The following ZNF215 variants were observed in gnomAD, a reference collection of about 807,000 sequenced individuals.
ZNF215 encodes BWSCR2-associated zinc finger protein 2.
ZNF215 carries 24 observed loss-of-function variants against 27.2 expected under a neutral mutation model. That is an observed-to-expected ratio of 0.88 (90% CI 0.64 to 1.24). The LOEUF (loss-of-function observed/expected upper bound fraction) is 1.24. Among genes scored for constraint, ZNF215 ranks in the 50% most tolerant of loss-of-function variants. ZNF215 has a pLI of 0.00. For missense variants in ZNF215, 675 were observed against 605.7 expected (o/e 1.11, Z -1.20); for synonymous variants, 210 against 204.0 (o/e 1.03, Z -0.25).
At chr11:6,980,860 T>C (rs1156975317) in intron 5 of ZNF215, among the ~76,000 whole-genome samples, 1 of 149,964 alleles carries the variant, frequency 6.7e-6, no homozygotes, top group East Asian at 2.0e-4. Context: ...ATATGCAGTG[T>C]TTGGTTTTTT....
chr11:6,969,266 G>A (rs1448546871), intron 5 of ZNF215, among the ~76,000 whole-genome samples: 1 of 152,070 alleles, frequency 6.6e-6, no homozygotes, highest in East Asian at 1.9e-4. Flanking sequence ...AACATGTCAA[G>A]CATATTGTCA....
intron 5 of ZNF215, 73 bp downstream of exon 5, chr11:6,943,288 G>A (rs1564952434): frequency 1.3e-6 from 2 of 1,535,224 alleles, no homozygotes; most frequent in Non-Finnish European, 1.7e-6. Context: ...TAGGACTGCT[G>A]AAGTGGCTAA....
intron 4 of ZNF215, among the ~76,000 whole-genome samples, chr11:6,941,940 C>G (rs1283113594): frequency 6.6e-6 from 1 of 152,108 alleles, no homozygotes; most frequent in African/African-American, 2.4e-5. Context: ...GAGTAGAATC[C>G]AGAGCAATGT....
chr11:6,989,323 G>A (rs1201795385), downstream of ZNF215, among the ~76,000 whole-genome samples: 2 of 152,042 alleles, frequency 1.3e-5, no homozygotes, highest in East Asian at 3.9e-4. Context: ...TTCTAGCCAC[G>A]TTTATGCCTT....
Position 6,955,754 on chromosome 11 carries a change from T to A in ZNF215, c.777T>A (p.Ser259Arg), listed in dbSNP as rs200791067. 5.0e-6 allele frequency: 8 copies of A among 1,607,408 alleles called. No homozygotes were observed. Among genetic ancestry groups the A allele is most frequent in the Non-Finnish European group, 5.1e-6 (6 of 1,178,284 alleles). ...HGVIMTRLTE[S>R]GHPSSDAWKG... is the part of the protein sequence containing the mutation. ...TGATTATGACAAGGCTTACCGAAAG[T>A]GGACACCCTTCTTCAGATGCCTGGA... Residue 259 changes from serine to arginine, a missense_variant, in exon 7 of 7, where the codon AGT (serine) becomes AGA (arginine). By Grantham distance (110) the Ser-to-Arg change is moderately radical (BLOSUM62 -1). Transcript: ENST00000278319.
At chr11:6,971,122 T>C (rs80165886) in intron 5 of ZNF215, among the ~76,000 whole-genome samples, 220 of 152,250 alleles carry the variant, frequency 1.4e-3, no homozygotes, top group Non-Finnish European at 2.2e-3. Flanking sequence ...AAAAACAAAT[T>C]TGATTAAGTT....
At chr11:6,974,050 C>T (rs1850778878) in intron 5 of ZNF215, among the ~76,000 whole-genome samples, 1 of 152,106 alleles carries the variant, frequency 6.6e-6, no homozygotes, top group Admixed American at 6.6e-5. Context: ...AGTCTTTAAT[C>T]TATCTTGAAT....
At chr11:6,928,614 G>A (rs1352503464) in intron 2 of ZNF215, among the ~76,000 whole-genome samples, 1 of 152,030 alleles carries the variant, frequency 6.6e-6, no homozygotes, top group African/African-American at 2.4e-5. Flanking sequence ...TGTAGTTTGA[G>A]TTTAAATTTT....
intron 5 of ZNF215, among the ~76,000 whole-genome samples, chr11:6,966,963 C>A (rs1440943333): frequency 6.6e-6 from 1 of 151,928 alleles, no homozygotes; most frequent in African/African-American, 2.4e-5. Context: ...CTCCCTGATT[C>A]CCCTACCCAC....
rs527907895 is a variant in ZNF215 at position 6,963,199 on chromosome 11, CCTATT to C, written c.805+7420_805+7424del. 2.5e-3 allele frequency among the ~76,000 whole-genome samples: 383 copies of C among 152,120 alleles called. 1 individual carries two copies. Among genetic ancestry groups the C allele is most frequent in the Middle Eastern group, 6.8e-3 (2 of 294 alleles). ...GTTCCACCACTACAGAAAATTCTCTCCTATTCTTTTATAGTCAAGCTGTTCCCCCA... is the reference window on the plus strand; with the variant it reads ...GTTCCACCACTACAGAAAATTCTCTCCTTTTATAGTCAAGCTGTTCCCCCA... On this transcript the variant is annotated intron_variant, in intron 5 of 5. Transcript: ENST00000529903.
chr11:6,959,059 T>G (rs1201603913), downstream of ZNF215, among the ~76,000 whole-genome samples: 53 of 152,172 alleles, frequency 3.5e-4, 1 homozygote, highest in Admixed American at 3.5e-3. Context: ...TTTGCATCCT[T>G]CAATCCAATC....
intron 3 of ZNF215, among the ~76,000 whole-genome samples, 189 bp downstream of exon 3, chr11:6,932,861 G>C (rs1318214228): frequency 6.6e-6 from 1 of 152,230 alleles, no homozygotes; most frequent in Non-Finnish European, 1.5e-5. Context: ...TTGGGTAGGG[G>C]AGTGAGACAG....
Position 6,932,751 on chromosome 11 carries a change from G to C in ZNF215, c.400+79G>C, listed in dbSNP as rs969431150. On this transcript the variant is annotated intron_variant, in intron 3 of 6. Coordinates refer to ENST00000278319, the MANE Select transcript of ZNF215 (RefSeq NM_013250.4). ...GAAATTATCTTTTTTTGAGGCCAGA[G>C]AGTATCAAGTGCCAGATCTTGAAGG... The C allele has an allele frequency of 3.0e-5, 41 of 1,383,918 alleles. No homozygotes were observed. The African/African-American group carries it at 5.8e-4, about 20-fold the overall frequency. The allele number at this position is 1,383,918 out of a possible 1,614,324, so 85.7% of individuals were successfully genotyped here.
chr11:6,972,233 T>G (rs1850732335), intron 5 of ZNF215, among the ~76,000 whole-genome samples: 1 of 151,060 alleles, frequency 6.6e-6, no homozygotes, highest in Non-Finnish European at 1.5e-5. Context: ...ACTTTATAGG[T>G]TATATAGTCA....
intron 6 of ZNF215, among the ~76,000 whole-genome samples, chr11:6,954,519 G>T (rs1397345193): frequency 6.6e-6 from 1 of 152,242 alleles, no homozygotes; most frequent in Non-Finnish European, 1.5e-5. Context: ...GGGAGACTCC[G>T]TGGGTGTAGG....
intron 5 of ZNF215, among the ~76,000 whole-genome samples, chr11:6,980,543 GTATT>G (rs1850926294): frequency 6.6e-6 from 1 of 151,898 alleles, no homozygotes; most frequent in Admixed American, 6.6e-5. Context: ...TTGTTCTTGA[GTATT>G]AAGTAATAAA....
downstream of ZNF215, among the ~76,000 whole-genome samples, chr11:6,989,150 C>CAAAAAAAA (rs71056776): frequency 2.6e-5 from 2 of 76,784 alleles, no homozygotes; most frequent in African/African-American, 4.9e-5. Context: ...AGATCCGTCT[C>CAAAAAAAA]AAAAAAAAAA....
At chr11:6,947,630 G>A (rs571775948) in intron 6 of ZNF215, among the ~76,000 whole-genome samples, 1 of 152,232 alleles carries the variant, frequency 6.6e-6, no homozygotes, top group Non-Finnish European at 1.5e-5. Flanking sequence ...GATTTAATTA[G>A]GGAAATACAA....
At position 6,955,799 on chromosome 11, in the gene ZNF215, T is replaced by C. The variant is rs780875064; in HGVS notation, c.822T>C (p.Tyr274=). ...SDAWKGENWL[Y]RNQKKWDINL... ...CCTGGAAAGGTGAGAATTGGTTATA[T>C]AGGAACCAGAAAAAATGGGACATAA... Residue 274 remains tyrosine (Y), a synonymous_variant, in exon 7 of 7, where the codon TAT becomes TAC. Transcript: ENST00000278319. 8.1e-6 allele frequency: 13 copies of C among 1,613,754 alleles called. No individual in the cohort carries two copies. In the South Asian group the frequency reaches 1.2e-4, roughly 15 times the overall value.
Sources: gnomAD v4.1 joint callset for allele counts (sites outside exome capture counted in the v4.1 genomes callset) on GRCh38, gnomAD v4.1.1 for gene constraint, MANE v1.5 for transcripts, NCBI Gene and HGNC (gene_info 2026-07-23, HGNC 2026-07-21) for gene names.